The following ING4 variants were observed in gnomAD, a reference collection of about 807,000 sequenced individuals.
ING4 encodes inhibitor of growth protein 4.
A neutral mutation model predicts 33.1 loss-of-function variants in ING4; 28 were observed. The observed-to-expected ratio is 0.85, with a 90% CI of 0.63 to 1.16. The LOEUF (loss-of-function observed/expected upper bound fraction) is 1.16. Ranked by LOEUF, ING4 falls within the 50% of genes most tolerant of loss-of-function variation. The probability of loss-of-function intolerance (pLI) is 0.00; values close to 1 mark genes in which losing one functional copy is unlikely to be tolerated. For synonymous variants in ING4, 87 were observed against 104.4 expected (o/e 0.83, Z 1.02); for missense variants, 247 against 314.7 (o/e 0.78, Z 1.63).
intron 1 of ING4, among the ~76,000 whole-genome samples, chr12:6,658,113 C>G (rs1477319758): frequency 1.3e-5 from 2 of 151,522 alleles, no homozygotes; most frequent in Non-Finnish European, 2.9e-5. Flanking sequence ...GCGCGCGCCA[C>G]CACACCCGAC....
intron 1 of ING4, among the ~76,000 whole-genome samples, chr12:6,661,414 T>TG (rs1452553307): frequency 7.4e-5 from 10 of 134,468 alleles, no homozygotes; most frequent in African/African-American, 2.9e-4. Context: ...TTGTTTTTTT[T>TG]TTTTTTTTTT....
chr12:6,652,507 G>T, intron 5 of ING4, 89 bp from the exon 6 acceptor site: 1 of 1,465,370 alleles, frequency 6.8e-7, no homozygotes, highest in Non-Finnish European at 9.4e-7. Flanking sequence ...TCCTGGTAGG[G>T]CAAATGATTT....
rs780697041 is a variant in ING4 at position 6,653,368 on chromosome 12, G to A, written c.138C>T (p.Ala46=). The A allele has an allele frequency of 1.9e-6, 3 of 1,614,116 alleles. No homozygotes were observed. The highest frequency in any genetic ancestry group is 1.3e-5 in the African/African-American group (1 of 75,052). The part of the protein sequence containing the change: ...EDLKAEIDKL[A]TEYMSSARSL... ...TGCGGGCACTACTCATATACTCAGT[G>A]GCCAACTTGTCAATTTCAGCCTTCA... The change falls in exon 3 of 8, where the codon GCC becomes GCT. Residue 46 remains alanine, a synonymous_variant. Transcript: ENST00000341550.
At chr12:6,651,529 A>G (rs921060176) in intron 6 of ING4, 144 bp from the exon 7 acceptor site, 54 of 670,462 alleles carry the variant, frequency 8.1e-5, no homozygotes, top group South Asian at 1.5e-4. Flanking sequence ...ACCAGTTCCC[A>G]CCATCTTCCT....
Position 6,652,689 on chromosome 12 carries a change from G to A in ING4, c.470C>T (p.Ala157Val), listed in dbSNP as rs1192331386. The change falls in exon 5 of 8, where the codon GCC (alanine) becomes GTC (valine). Residue 157 changes from alanine to valine, a missense_variant. Coordinates refer to ENST00000341550, the MANE Select transcript of ING4 (RefSeq NM_016162.4). ...GCGCACGAGCTTTAACTTCTTCTGG[G>A]CAGTCTTGGGGGCTTCTTCATCCGA... Reference protein sequence around the residue: ...KNSDEEAPKTAQKKLKLVRTS... With the variant: ...KNSDEEAPKTVQKKLKLVRTS... 1 of 1,614,088 alleles carries A rather than the reference G, an allele frequency of 6.2e-7. No individual in the cohort carries two copies. Among genetic ancestry groups the A allele is most frequent in the Non-Finnish European group, 8.5e-7 (1 of 1,180,006 alleles).
At chr12:6,660,956 C>G (rs1030363343) in intron 1 of ING4, among the ~76,000 whole-genome samples, 1 of 152,014 alleles carries the variant, frequency 6.6e-6, no homozygotes, top group Non-Finnish European at 1.5e-5. Flanking sequence ...CCACGCCCAG[C>G]TAATTTTTGT....
chr12:6,651,411 A>C, intron 6 of ING4, 26 bp from the exon 7 acceptor site: 5 of 1,605,626 alleles, frequency 3.1e-6, no homozygotes, highest in Non-Finnish European at 3.4e-6. Context: ...AGAAGTAGTC[A>C]GGGGCCAGGA....
In ING4 at chr12:6,663,119, C is replaced by G. The variant is rs752009248; in HGVS notation, c.-18G>C. On this transcript the variant is annotated 5_prime_UTR_variant, in exon 1 of 8. Transcript: ENST00000341550. Reference sequence around the variant, plus strand: ...GCAGCCATCTCGAAGCAAAACAAAGCAACTTCCGATCCGCCCCGGAAGTGA... The same window carrying G: ...GCAGCCATCTCGAAGCAAAACAAAGGAACTTCCGATCCGCCCCGGAAGTGA... The G allele has an allele frequency of 1.9e-6, 3 of 1,614,016 alleles. No homozygotes were observed. The African/African-American group carries it at 4.0e-5, about 22-fold the overall frequency.
Position 6,653,299 on chromosome 12 carries a change from C to A in ING4, c.207G>T (p.Gln69His), listed in dbSNP as rs1323397470. 6.2e-7 allele frequency: 1 copy of A among 1,614,014 alleles called. No individual in the cohort carries two copies. The highest frequency in any genetic ancestry group is 2.2e-5 in the East Asian group (1 of 44,882). ...ATTCCTTGCACTTGCCATAGGCTTC[C>A]TGGATCTGTTTGAGAAGGGCCAATT... ...EEKLALLKQI[Q>H]EAYGKCKEFG... is the part of the protein sequence containing the mutation. The change falls in exon 3 of 8, where the codon CAG becomes CAT. Residue 69 changes from glutamine (Q) to histidine (H), a missense_variant. Coordinates refer to ENST00000341550, the MANE Select transcript of ING4 (RefSeq NM_016162.4).
chr12:6,656,644 C>T, intron 2 of ING4, 83 bp downstream of exon 2: 1 of 794,238 alleles, frequency 1.3e-6, no homozygotes, highest in South Asian at 1.6e-5. Flanking sequence ...CCAGATCATA[C>T]CAGATGATAC....
At chr12:6,656,028 C>A in intron 2 of ING4, 1 of 419,516 alleles carries the variant, frequency 2.4e-6, no homozygotes, top group Non-Finnish European at 4.8e-6. Flanking sequence ...TCCCATCTAC[C>A]AACATATGTT....
intron 2 of ING4, 43 bp downstream of exon 2, chr12:6,656,684 A>T: frequency 9.4e-7 from 1 of 1,065,664 alleles, no homozygotes; most frequent in Non-Finnish European, 1.4e-6. Flanking sequence ...ATAAATGATT[A>T]CACACACTCA....
At chr12:6,656,551 A>G (rs1949359451) in intron 2 of ING4, 176 bp downstream of exon 2, 1 of 550,420 alleles carries the variant, frequency 1.8e-6, no homozygotes, top group Non-Finnish European at 3.2e-6. Context: ...TTGTTATGAA[A>G]AAGCTGACAC....
At chr12:6,656,698 G>A (rs780737527) in intron 2 of ING4, 29 bp downstream of exon 2, 4 of 1,293,898 alleles carry the variant, frequency 3.1e-6, no homozygotes, top group Admixed American at 2.1e-5. Context: ...ACACTCATTA[G>A]ATACAAAAAC....
Position 6,653,239 on chromosome 12 carries a change from G to T in ING4, c.267C>A (p.Thr89=), listed in dbSNP as rs1189430258. ...ATGAACAGGGCCATACCATCTCATA[G>T]GTCTGCATGGCAAGCTGCACCTTGT... ...GDDKVQLAMQ[T]YEMVDKHIRR... Residue 89 remains threonine (T), a synonymous_variant, in exon 3 of 8, where the codon ACC becomes ACA. Coordinates refer to ENST00000341550, the MANE Select transcript of ING4 (RefSeq NM_016162.4). 1 of 1,614,126 alleles carries T rather than the reference G, an allele frequency of 6.2e-7. No homozygotes were observed. Among genetic ancestry groups the T allele is most frequent in the Non-Finnish European group, 8.5e-7 (1 of 1,179,994 alleles).
At chr12:6,652,442 G>C (rs768597105) in intron 5 of ING4, 24 bp from the exon 6 acceptor site, 1 of 1,611,956 alleles carries the variant, frequency 6.2e-7, no homozygotes. Flanking sequence ...GGAAGAGAAA[G>C]TGTCATCTAC....
intron 2 of ING4, chr12:6,655,580 T>C: frequency 9.1e-7 from 1 of 1,101,850 alleles, no homozygotes; most frequent in South Asian, 2.2e-5. Flanking sequence ...CAACTGTCTT[T>C]CCATGCATGA....
intron 6 of ING4, among the ~76,000 whole-genome samples, chr12:6,651,890 T>C (rs1344773101): frequency 6.8e-6 from 1 of 146,056 alleles, no homozygotes; most frequent in Non-Finnish European, 1.5e-5. Flanking sequence ...CTTGCTCTTG[T>C]CGCCCAGGTT....
chr12:6,655,362 G>A (rs1380915699), intron 2 of ING4, among the ~76,000 whole-genome samples: 1 of 152,204 alleles, frequency 6.6e-6, no homozygotes, highest in Non-Finnish European at 1.5e-5. Flanking sequence ...TTTAATATTG[G>A]AAGAATGGTA....
Sources: allele counts gnomAD v4.1 joint callset (sites outside exome capture counted in the v4.1 genomes callset), GRCh38; gene constraint gnomAD v4.1.1; transcripts MANE v1.5; gene names NCBI Gene and HGNC (gene_info 2026-07-23, HGNC 2026-07-21).